Variants in AFF3 observed in about 807,000 individuals in gnomAD.
AFF3 encodes ALF transcription elongation factor 3.
AFF3 carries 32 observed loss-of-function variants against 129.7 expected under a neutral mutation model. The ratio of observed to expected loss-of-function variants is 0.25; its 90% confidence interval spans 0.19 to 0.33. The LOEUF (loss-of-function observed/expected upper bound fraction) is 0.33. Among genes scored for constraint, AFF3 ranks in the 10% least tolerant of loss-of-function variants. AFF3 has a pLI of 1.00. For synonymous variants in AFF3, 644 were observed against 635.4 expected (o/e 1.01, Z -0.20); for missense variants, 1,373 against 1,592.0 (o/e 0.86, Z 2.34).
At chr2:99,793,737 T>A (rs1378588193) in intron 8 of AFF3, among the ~76,000 whole-genome samples, 1 of 152,236 alleles carries the variant, frequency 6.6e-6, no homozygotes, top group East Asian at 1.9e-4. Flanking sequence ...TTAGATTTCA[T>A]AAATTTTCAG....
chr2:99,950,944 A>T (rs1212907246), intron 7 of AFF3, among the ~76,000 whole-genome samples: 2 of 152,230 alleles, frequency 1.3e-5, no homozygotes, highest in East Asian at 3.9e-4. Context: ...GCACACACAT[A>T]CACATATGTC....
Position 100,130,490 on chromosome 2 carries a change from C to T in AFF3, c.-227-1184G>A, listed in dbSNP as rs778661569. On this transcript the variant is annotated intron_variant, in intron 1 of 24. Transcript: ENST00000672756. ...GAAAACAGATTTCCCTTTCTCTGAGCAAGAGAAGTGTGGGCTGGATTTTAG... is the reference window on the plus strand; with the variant it reads ...GAAAACAGATTTCCCTTTCTCTGAGTAAGAGAAGTGTGGGCTGGATTTTAG... Among the ~76,000 whole-genome samples the T allele has an allele frequency of 8.3e-4, 127 of 152,338 alleles. 2 individuals are homozygous for T. Among genetic ancestry groups the T allele is most frequent in the Middle Eastern group, 3.4e-3 (1 of 294 alleles).
At chr2:99,899,550 A>G (rs1576308687) in intron 7 of AFF3, among the ~76,000 whole-genome samples, 2 of 152,374 alleles carry the variant, frequency 1.3e-5, no homozygotes, top group East Asian at 3.9e-4. Flanking sequence ...AAAGTAGCAT[A>G]AACTTTGATA....
intron 16 of AFF3, among the ~76,000 whole-genome samples, chr2:99,585,488 A>G (rs1184463218): frequency 2.0e-5 from 3 of 152,200 alleles, no homozygotes; most frequent in Non-Finnish European, 2.9e-5. Flanking sequence ...CTTAACAGCA[A>G]CAAAACCATC....
intron 7 of AFF3, among the ~76,000 whole-genome samples, chr2:99,908,033 T>C (rs1322476688): frequency 6.6e-6 from 1 of 152,174 alleles, no homozygotes. Flanking sequence ...CTTGTTTCCA[T>C]TCAGGTGGCT....
At chr2:99,616,882 A>T (rs1681491289) in intron 13 of AFF3, among the ~76,000 whole-genome samples, 1 of 152,172 alleles carries the variant, frequency 6.6e-6, no homozygotes, top group Non-Finnish European at 1.5e-5. Context: ...CCTATTCTAG[A>T]CATTTCATAG....
At chr2:99,663,200 G>C (rs537318110) in intron 12 of AFF3, among the ~76,000 whole-genome samples, 1 of 152,270 alleles carries the variant, frequency 6.6e-6, no homozygotes, top group African/African-American at 2.4e-5. Context: ...AAAATGAAGA[G>C]CTTCCATTAC....
chr2:99,568,028 G>T (rs535179773), intron 19 of AFF3, among the ~76,000 whole-genome samples: 8 of 152,282 alleles, frequency 5.3e-5, no homozygotes, highest in African/African-American at 1.9e-4. Context: ...GTGTACATAG[G>T]CAGTGGTCTT....
chr2:99,992,454 A>G (rs1257270760), intron 7 of AFF3, among the ~76,000 whole-genome samples: 1 of 152,234 alleles, frequency 6.6e-6, no homozygotes, highest in African/African-American at 2.4e-5. Flanking sequence ...AGGTGAGCCT[A>G]TATTACTAGC....
chr2:99,714,506 A>G (rs1400099784), intron 11 of AFF3, among the ~76,000 whole-genome samples: 1 of 152,216 alleles, frequency 6.6e-6, no homozygotes, highest in African/African-American at 2.4e-5. Context: ...TGATTGTGGC[A>G]AATCACTTAA....
intron 7 of AFF3, among the ~76,000 whole-genome samples, chr2:99,946,576 A>G (rs1675596831): frequency 6.7e-6 from 1 of 149,920 alleles, no homozygotes; most frequent in South Asian, 2.1e-4. Flanking sequence ...TGTCTGCAGA[A>G]TTTCCCCATA....
chr2:100,130,016 G>A (rs956418612), intron 1 of AFF3, among the ~76,000 whole-genome samples: 6 of 152,126 alleles, frequency 3.9e-5, no homozygotes, highest in African/African-American at 1.4e-4. Flanking sequence ...AATTCATATT[G>A]TGCATGAAAA....
intron 9 of AFF3, among the ~76,000 whole-genome samples, chr2:99,746,715 A>G (rs1575853109): frequency 6.6e-6 from 1 of 152,226 alleles, no homozygotes; most frequent in African/African-American, 2.4e-5. Flanking sequence ...GACATCCACA[A>G]TTAAATCCCC....
intron 7 of AFF3, among the ~76,000 whole-genome samples, chr2:99,950,991 A>G (rs1676112454): frequency 1.3e-5 from 2 of 152,358 alleles, no homozygotes; most frequent in South Asian, 2.1e-4. Flanking sequence ...GGGCTGCATA[A>G]TATGAATCCA....
chr2:99,770,124 A>G (rs569920887), intron 8 of AFF3, among the ~76,000 whole-genome samples: 1 of 152,272 alleles, frequency 6.6e-6, no homozygotes, highest in East Asian at 1.9e-4. Context: ...GGAGCCAGGG[A>G]CTGAAGATAA....
chr2:99,872,594 A>AAAAATAAAATAAAATAAAAT (rs369133072), intron 7 of AFF3, among the ~76,000 whole-genome samples: 1,721 of 127,478 alleles, frequency 0.014, 53 homozygotes, highest in African/African-American at 0.05. Flanking sequence ...TGCTTCTTAC[A>AAAAATAAAATAAAATAAAAT]AAAATAAAAT....
chr2:99,728,769 T>C (rs1195662513), intron 10 of AFF3, among the ~76,000 whole-genome samples: 2 of 152,218 alleles, frequency 1.3e-5, no homozygotes, highest in Non-Finnish European at 2.9e-5. Context: ...TCAATACATA[T>C]AAAACCATGT....
At chr2:99,846,441 T>C (rs779274512) in intron 7 of AFF3, among the ~76,000 whole-genome samples, 4 of 152,264 alleles carry the variant, frequency 2.6e-5, no homozygotes, top group Non-Finnish European at 5.9e-5. Flanking sequence ...AACATTTTCC[T>C]GAATCTTTAT....
Position 100,117,942 on chromosome 2 carries a change from A to C in AFF3, c.-145+11282T>G, listed in dbSNP as rs1209624043. Among the ~76,000 whole-genome samples, 3 of 152,076 alleles carry C rather than the reference A, an allele frequency of 2.0e-5. No homozygotes were observed. In the East Asian group the frequency reaches 5.8e-4, roughly 29 times the overall value. The stretch of plus-strand genomic sequence containing the variant: ...AACCCAAATGATAGAGATTCACTGT[A>C]CTCGAGTTTTCCCCATTGGACCCTC... On this transcript the variant is annotated intron_variant, in intron 2 of 24. Coordinates refer to ENST00000672756, the MANE Select transcript of AFF3 (RefSeq NM_001386135.1).
Sources: allele counts gnomAD v4.1 joint callset (sites outside exome capture counted in the v4.1 genomes callset), GRCh38; gene constraint gnomAD v4.1.1; transcripts MANE v1.5; gene names NCBI Gene and HGNC (gene_info 2026-07-23, HGNC 2026-07-21).